Variants in ANXA13 observed in about 807,000 individuals in gnomAD.
The protein encoded by ANXA13 is annexin XIII.
In ANXA13, 36 loss-of-function variants were observed where a neutral mutation model predicts 46.6. That is an observed-to-expected ratio of 0.77 (90% CI 0.59 to 1.02). The LOEUF is 1.02. Ranked by LOEUF, ANXA13 falls within the 50% of genes least tolerant of loss-of-function variation. The probability of loss-of-function intolerance (pLI) is 0.00; values close to 1 mark genes in which losing one functional copy is unlikely to be tolerated. For missense variants in ANXA13, 417 were observed against 396.5 expected (o/e 1.05, Z -0.44); for synonymous variants, 163 against 152.9 (o/e 1.07, Z -0.49).
chr8:123,716,706 C>T (rs1191296449), intron 1 of ANXA13, among the ~76,000 whole-genome samples: 2 of 152,064 alleles, frequency 1.3e-5, no homozygotes, highest in Non-Finnish European at 2.9e-5. Context: ...TGGCTTGTTC[C>T]CAGGAGCTGG....
intron 10 of ANXA13, 32 bp downstream of exon 10, chr8:123,684,578 A>C: frequency 6.9e-7 from 1 of 1,449,562 alleles, no homozygotes; most frequent in East Asian, 2.3e-5. Flanking sequence ...GAGAAGTTGC[A>C]GCCGCCTCTT....
In ANXA13 at chr8:123,698,582, G is replaced by A. The variant is rs149833169; in HGVS notation, c.187-23C>T. 177 of 1,612,062 alleles carry A rather than the reference G, an allele frequency of 1.1e-4. No homozygotes were observed. The African/African-American group carries it at 1.5e-3, about 13-fold the overall frequency. On this transcript the variant is annotated intron_variant, in intron 3 of 10. Transcript: ENST00000419625. Reference sequence around the variant, plus strand: ...CTCCTACCAGAAGACAGTGAGAGACGTGCTGGGAATGGCCCAGGAGGAGAG... The same window carrying A: ...CTCCTACCAGAAGACAGTGAGAGACATGCTGGGAATGGCCCAGGAGGAGAG...
chr8:123,737,325 GA>G lies in ANXA13; in HGVS notation c.9del (p.Arg4ValfsTer20). The G allele has an allele frequency of 6.2e-7, 1 of 1,610,526 alleles. No individual in the cohort carries two copies. The highest frequency in any genetic ancestry group is 8.5e-7 in the Non-Finnish European group (1 of 1,178,038). ...CAAAGGCAATGAGTACTTACATGAC[GA>G]TTGCCCATTTTCCTTTTTCTGAGAT... MG[N>X]RHAKASSPQG... On this transcript the variant is annotated frameshift_variant, in exon 1 of 11. Transcript: ENST00000419625. LOFTEE classifies it high-confidence loss of function.
intron 9 of ANXA13, among the ~76,000 whole-genome samples, chr8:123,686,490 G>A (rs1014444246): frequency 4.6e-5 from 7 of 151,096 alleles, no homozygotes; most frequent in Non-Finnish European, 5.9e-5. Context: ...AAGAAAGAAA[G>A]AAAAAAACCT....
Position 123,690,865 on chromosome 8 carries a change from T to G in ANXA13, c.643-1919A>C, listed in dbSNP as rs1813221570. On this transcript the variant is annotated intron_variant, in intron 8 of 10. Coordinates refer to ENST00000419625, the MANE Select transcript of ANXA13 (RefSeq NM_004306.4). This position sits in a 1 kb window ranked among gnomAD's most constrained non-coding sequence, Gnocchi z 4.6. The stretch of plus-strand genomic sequence containing the variant: ...ATAGCAGTTAGAGGGCTGAAGCCTC[T>G]GGCGTGGAATAAGGAACATGTACAG... Among the ~76,000 whole-genome samples the G allele has an allele frequency of 6.6e-6, 1 of 152,184 alleles. No homozygotes were observed. The highest frequency in any genetic ancestry group is 1.5e-5 in the Non-Finnish European group (1 of 68,044).
intron 2 of ANXA13, among the ~76,000 whole-genome samples, chr8:123,709,320 C>A (rs79332397): frequency 1.3e-5 from 2 of 151,724 alleles, no homozygotes; most frequent in African/African-American, 4.8e-5. Context: ...TCCCTCCCTC[C>A]CTCTCTTCCT....
At chr8:123,716,632 G>A (rs1046588745) in intron 1 of ANXA13, among the ~76,000 whole-genome samples, 2 of 152,120 alleles carry the variant, frequency 1.3e-5, no homozygotes, top group African/African-American at 4.8e-5. Context: ...CATTGTGGTG[G>A]GGGCTGCCTC....
At chr8:123,730,197 C>A (rs1563621004) in intron 1 of ANXA13, among the ~76,000 whole-genome samples, 1 of 152,172 alleles carries the variant, frequency 6.6e-6, no homozygotes, top group Non-Finnish European at 1.5e-5. Flanking sequence ...TCTCTCCAAG[C>A]CCTTCTCCAC....
rs1159844581 is a variant in ANXA13, at chr8:123,703,999, T to C, written c.92-1263A>G. 4.6e-5 allele frequency among the ~76,000 whole-genome samples: 7 copies of C among 152,196 alleles called. No individual in the cohort carries two copies. The East Asian group carries it at 1.3e-3, about 29-fold the overall frequency. On this transcript the variant is annotated intron_variant, in intron 2 of 10. Coordinates refer to ENST00000419625, the MANE Select transcript of ANXA13 (RefSeq NM_004306.4). ...ATGACATTGGGCAAGTGATTTTTCT[T>C]GCCAAGTCTCAGTTTTCCCACCTCT...
At chr8:123,694,480 G>A (rs943907602) in intron 6 of ANXA13, among the ~76,000 whole-genome samples, 1 of 152,202 alleles carries the variant, frequency 6.6e-6, no homozygotes, top group Non-Finnish European at 1.5e-5. Context: ...GCCATGTGGT[G>A]CACTGCCTTG....
chr8:123,712,630 A>G, intron 2 of ANXA13, 48 bp downstream of exon 2: 1 of 1,546,970 alleles, frequency 6.5e-7, no homozygotes, highest in Middle Eastern at 1.7e-4. Flanking sequence ...CATGAGACCA[A>G]GTTTAATCAA....
At chr8:123,684,928 T>G (rs1813113270) in intron 9 of ANXA13, among the ~76,000 whole-genome samples, 2 of 152,216 alleles carry the variant, frequency 1.3e-5, no homozygotes, top group African/African-American at 4.8e-5. Flanking sequence ...ATAGCTCCCC[T>G]CCTGTCCCCT....
At chr8:123,696,827 C>A (rs1422365798) in intron 4 of ANXA13, among the ~76,000 whole-genome samples, 1 of 152,176 alleles carries the variant, frequency 6.6e-6, no homozygotes, top group Admixed American at 6.5e-5. Flanking sequence ...GATAGAGAGG[C>A]CTTGCTTATT....
At chr8:123,685,504 T>A (rs1443348306) in intron 9 of ANXA13, among the ~76,000 whole-genome samples, 3 of 151,962 alleles carry the variant, frequency 2.0e-5, no homozygotes, top group South Asian at 2.1e-4. Context: ...AAAAAAAAAA[T>A]ATTTGCCCTT....
Position 123,698,468 on chromosome 8 carries a change from C to T in ANXA13, c.278G>A (p.Arg93Gln), listed in dbSNP as rs1034175757. ...LLDRPSEYAARQLQKAMKGLG... is the reference protein window; with the variant it reads ...LLDRPSEYAAQQLQKAMKGLG... The stretch of plus-strand genomic sequence containing the variant: ...ACCCTTCATAGCCTTCTGCAGCTGC[C>T]GGGCGGCGTACTCGCTGGGACGGTC... The change falls in exon 4 of 11, where the codon CGG (arginine) becomes CAG (glutamine). Residue 93 changes from arginine to glutamine, a missense_variant. Physicochemically the swap from Arg to Gln is conservative, Grantham distance 43. Coordinates refer to ENST00000419625, the MANE Select transcript of ANXA13 (RefSeq NM_004306.4). The T allele has an allele frequency of 8.1e-6, 13 of 1,614,058 alleles. No individual in the cohort carries two copies. The East Asian group carries it at 8.9e-5, about 11-fold the overall frequency.
At chr8:123,707,860 C>T (rs981032956) in intron 2 of ANXA13, among the ~76,000 whole-genome samples, 1 of 151,784 alleles carries the variant, frequency 6.6e-6, no homozygotes, top group Admixed American at 6.6e-5. Context: ...TAATAAAAAA[C>T]CTAATAAAAA....
chr8:123,716,688 G>T (rs1159967991), intron 1 of ANXA13, among the ~76,000 whole-genome samples: 1 of 152,120 alleles, frequency 6.6e-6, no homozygotes, highest in Non-Finnish European at 1.5e-5. Context: ...GATGGAACGG[G>T]TGTCCTATGG....
At chr8:123,736,193 C>T (rs556928247) in intron 1 of ANXA13, among the ~76,000 whole-genome samples, 4 of 152,182 alleles carry the variant, frequency 2.6e-5, no homozygotes, top group South Asian at 2.1e-4. Context: ...GAATATATAG[C>T]GAAGGAAAAA....
chr8:123,699,955 G>A (rs1226110186), intron 3 of ANXA13, among the ~76,000 whole-genome samples: 2 of 152,142 alleles, frequency 1.3e-5, no homozygotes, highest in African/African-American at 4.8e-5. Context: ...TATTTTAAAC[G>A]GTCAATAAAT....
Sources: allele counts gnomAD v4.1 joint callset (sites outside exome capture counted in the v4.1 genomes callset), GRCh38; gene constraint gnomAD v4.1.1; non-coding constraint Gnocchi (gnomAD v3.1); transcripts MANE v1.5; gene names NCBI Gene and HGNC (gene_info 2026-07-23, HGNC 2026-07-21).